APLF: variants seen among roughly 807,000 people sequenced by gnomAD.
The protein encoded by APLF is aprataxin and PNKP like factor.
Under a neutral mutation model 55.6 loss-of-function variants are expected in APLF, and 61 were observed. That is an observed-to-expected ratio of 1.10 (90% confidence interval 0.89 to 1.36). The LOEUF is 1.36. Among genes scored for constraint, APLF ranks in the 40% most tolerant of loss-of-function variants. The pLI, the probability that APLF is intolerant of heterozygous loss-of-function variation, is 0.00. For missense variants in APLF, 611 were observed against 602.5 expected (o/e 1.01, Z -0.15); for synonymous variants, 207 against 214.8 (o/e 0.96, Z 0.32).
Position 68,467,789 on chromosome 2 carries a change from C to G in APLF, c.58C>G (p.Pro20Ala), listed in dbSNP as rs971431500. 3 of 1,234,204 alleles carry G rather than the reference C, an allele frequency of 2.4e-6. No individual in the cohort carries two copies. Among genetic ancestry groups the G allele is most frequent in the Admixed American group, 8.4e-5 (2 of 23,734 alleles). 76.5% of individuals were successfully genotyped at this position (1,234,204 alleles called of 1,614,324 possible). The change falls in exon 1 of 10, where the codon CCC becomes GCC. Residue 20 changes from proline to alanine, a missense_variant. Pro to Ala is a conservative substitution (Grantham distance 27). Transcript: ENST00000303795. ...CGGCGGTCCCCGGGTGGCCCTGGCG[C>G]CCGGGGAGACGGTGATCGGCCGCGG... ...RDGGPRVALA[P>A]GETVIGRGPL...
rs1360644863 is a variant in APLF at position 68,467,737 on chromosome 2, C to T, written c.6C>T (p.Ser2=). 2 of 1,234,932 alleles carry T rather than the reference C, an allele frequency of 1.6e-6. No individual in the cohort carries two copies. Among genetic ancestry groups the T allele is most frequent in the East Asian group, 3.2e-5 (1 of 31,706 alleles). The allele number at this position is 1,234,932 out of a possible 1,614,324, so 76.5% of individuals were successfully genotyped here. Residue 2 remains serine (S), a synonymous_variant, in exon 1 of 10, where the codon TCC becomes TCT. Coordinates refer to ENST00000303795, the MANE Select transcript of APLF (RefSeq NM_173545.3). ...GGGCCTAATCCTTGCCCGCCATGTC[C>T]GGGGGCTTCGAGCTGCAGCCGCGGG... is the stretch of plus-strand genomic sequence containing the variant. The part of the protein sequence containing the change: M[S]GGFELQPRDG...
intron 8 of APLF, among the ~76,000 whole-genome samples, chr2:68,557,476 T>A (rs1401283155): frequency 6.6e-6 from 1 of 152,132 alleles, no homozygotes; most frequent in Non-Finnish European, 1.5e-5. Flanking sequence ...TAACAAAAAA[T>A]AAGAATGTGT....
At chr2:68,547,010 A>G (rs1333495361) in intron 8 of APLF, among the ~76,000 whole-genome samples, 1 of 151,864 alleles carries the variant, frequency 6.6e-6, no homozygotes, top group Non-Finnish European at 1.5e-5. Flanking sequence ...TGGCCCACTG[A>G]TGAGTTATAA....
At chr2:68,473,742 A>G (rs900841719) in intron 1 of APLF, among the ~76,000 whole-genome samples, 2 of 152,118 alleles carry the variant, frequency 1.3e-5, no homozygotes, top group African/African-American at 4.8e-5. Flanking sequence ...TTTCATATGT[A>G]TATTTTGAGT....
At chr2:68,470,571 C>T (rs114684259) in intron 1 of APLF, among the ~76,000 whole-genome samples, 1,631 of 152,208 alleles carry the variant, frequency 0.011, 34 homozygotes, top group African/African-American at 0.037. Flanking sequence ...TTTTACAGTA[C>T]GACATGTCAA....
intron 5 of APLF, among the ~76,000 whole-genome samples, chr2:68,516,994 ATAT>A (rs1285029241): frequency 8.8e-5 from 11 of 124,936 alleles, no homozygotes; most frequent in Non-Finnish European, 1.6e-4. Flanking sequence ...ATATATAATA[ATAT>A]ATGTTAATAT....
intron 6 of APLF, among the ~76,000 whole-genome samples, chr2:68,527,391 G>T (rs978232911): frequency 2.6e-5 from 4 of 151,568 alleles, no homozygotes; most frequent in African/African-American, 9.7e-5. Context: ...CTGGGCAAAG[G>T]TGCTCCTCAC....
At chr2:68,476,701 A>T (rs1675786914) in intron 1 of APLF, among the ~76,000 whole-genome samples, 1 of 151,858 alleles carries the variant, frequency 6.6e-6, no homozygotes, top group East Asian at 1.9e-4. Flanking sequence ...AAATTTTATT[A>T]TTAATATTCT....
In APLF at chr2:68,467,715, C is replaced by T. The variant is rs374582849; in HGVS notation, c.-17C>T. 458 of 1,234,536 alleles carry T rather than the reference C, an allele frequency of 3.7e-4. 1 individual carries two copies. In the East Asian group the frequency reaches 0.014, roughly 37 times the overall value. 76.5% of individuals were successfully genotyped at this position (1,234,536 alleles called of 1,614,324 possible). On this transcript the variant is annotated 5_prime_UTR_variant, in exon 1 of 10. Coordinates refer to ENST00000303795, the MANE Select transcript of APLF (RefSeq NM_173545.3). ...AGGGGCCAGTCTCCTGGCGAAGGGGCCTAATCCTTGCCCGCCATGTCCGGG... is the reference window on the plus strand; with the variant it reads ...AGGGGCCAGTCTCCTGGCGAAGGGGTCTAATCCTTGCCCGCCATGTCCGGG...
At chr2:68,576,151 G>A (rs1172330246) in intron 9 of APLF, among the ~76,000 whole-genome samples, 5 of 152,044 alleles carry the variant, frequency 3.3e-5, no homozygotes, top group Admixed American at 6.6e-5. Context: ...GATATCATTA[G>A]GACATGTTAT....
chr2:68,492,623 T>C (rs1676407454), intron 2 of APLF, among the ~76,000 whole-genome samples: 1 of 152,234 alleles, frequency 6.6e-6, no homozygotes, highest in African/African-American at 2.4e-5. Context: ...TTAGCAGTGT[T>C]CAGTTATAAA....
chr2:68,518,404 A>ATAACAATATAT (rs1553371878), intron 5 of APLF, among the ~76,000 whole-genome samples: 1 of 108,530 alleles, frequency 9.2e-6, no homozygotes, highest in Non-Finnish European at 1.7e-5. Flanking sequence ...ATATAACAAT[A>ATAACAATATAT]TATTATATAT....
intron 2 of APLF, 76 bp downstream of exon 2, chr2:68,490,337 C>G (rs1676320794): frequency 1.6e-6 from 2 of 1,252,098 alleles, no homozygotes; most frequent in Admixed American, 2.1e-5. Context: ...TGCCTATTTT[C>G]TAAGGTTATG....
At chr2:68,536,254 A>G (rs1670382782) in intron 6 of APLF, among the ~76,000 whole-genome samples, 1 of 152,158 alleles carries the variant, frequency 6.6e-6, no homozygotes, top group South Asian at 2.1e-4. Context: ...TGCTTTCCCC[A>G]TAGGTTATCT....
chr2:68,533,291 T>C (rs550288358), intron 6 of APLF, among the ~76,000 whole-genome samples: 10 of 152,340 alleles, frequency 6.6e-5, no homozygotes, highest in African/African-American at 2.4e-4. Context: ...TGTGATATTC[T>C]GTTATCACAG....
chr2:68,503,685 A>G (rs1676792270), intron 3 of APLF, among the ~76,000 whole-genome samples: 2 of 152,110 alleles, frequency 1.3e-5, no homozygotes, highest in Non-Finnish European at 2.9e-5. Flanking sequence ...ACAGCATAAA[A>G]ATTTGTGAGA....
chr2:68,492,441 G>GCA (rs1676401633), intron 2 of APLF, among the ~76,000 whole-genome samples: 1 of 152,132 alleles, frequency 6.6e-6, no homozygotes, highest in Admixed American at 6.5e-5. Context: ...TTGTGCCACT[G>GCA]CACTCCAGCC....
At chr2:68,470,447 G>GT (rs1459736439) in intron 1 of APLF, among the ~76,000 whole-genome samples, 14 of 152,108 alleles carry the variant, frequency 9.2e-5, no homozygotes, top group Admixed American at 9.2e-4. Flanking sequence ...CTATAGTTTT[G>GT]TAAGACGTTA....
Position 68,537,936 on chromosome 2 carries a change from A to G in APLF, c.869A>G (p.Asn290Ser). Residue 290 changes from asparagine (N) to serine (S), a missense_variant, in exon 7 of 10, where the codon AAT (asparagine) becomes AGT (serine). Coordinates refer to ENST00000303795, the MANE Select transcript of APLF (RefSeq NM_173545.3). ...ACAGAGATGAATAATATTAAGACTA[A>G]TGCACAGAGAAACAAACTTCCAATA... ...SNTEMNNIKTNAQRNKLPIEE... is the reference protein window; with the variant it reads ...SNTEMNNIKTSAQRNKLPIEE... 2 of 1,613,738 alleles carry G rather than the reference A, an allele frequency of 1.2e-6. No individual in the cohort carries two copies. Among genetic ancestry groups the G allele is most frequent in the Non-Finnish European group, 1.7e-6 (2 of 1,179,820 alleles).
Sources: allele counts gnomAD v4.1 joint callset (sites outside exome capture counted in the v4.1 genomes callset), GRCh38; gene constraint gnomAD v4.1.1; transcripts MANE v1.5; gene names NCBI Gene and HGNC (gene_info 2026-07-23, HGNC 2026-07-21).